PCDH15: variants seen among roughly 807,000 people sequenced by gnomAD.
The protein encoded by PCDH15 is protocadherin-15.
Under a neutral mutation model 178.5 loss-of-function variants are expected in PCDH15, and 129 were observed. That is an observed-to-expected ratio of 0.72 (90% confidence interval 0.63 to 0.84). PCDH15 has a LOEUF of 0.84. PCDH15 is among the 40% of genes least tolerant of loss of function. The probability of loss-of-function intolerance (pLI) is 0.00; values close to 1 mark genes in which losing one functional copy is unlikely to be tolerated. For synonymous variants in PCDH15, 800 were observed against 732.0 expected (o/e 1.09, Z -1.50); for missense variants, 2,230 against 2,099.9 (o/e 1.06, Z -1.21).
chr10:54,450,411 C>T (rs1016046152), intron 3 of PCDH15, among the ~76,000 whole-genome samples: 1 of 151,144 alleles, frequency 6.6e-6, no homozygotes, highest in African/African-American at 2.4e-5. Flanking sequence ...TAGTTTCTTC[C>T]TTTTTTTATT....
At chr10:54,181,050 G>A (rs1388694700) in intron 13 of PCDH15, among the ~76,000 whole-genome samples, 2 of 152,120 alleles carry the variant, frequency 1.3e-5, no homozygotes, top group Non-Finnish European at 2.9e-5. Flanking sequence ...CTTACACTTT[G>A]TAGTTCCCTG....
At chr10:53,818,733 AT>A (rs1366398735) in intron 33 of PCDH15, among the ~76,000 whole-genome samples, 10 of 152,054 alleles carry the variant, frequency 6.6e-5, no homozygotes, top group Non-Finnish European at 1.5e-4. Context: ...TCTATGTGTT[AT>A]TTTTTAAGCA....
Position 54,544,513 on chromosome 10 carries a change from G to A in PCDH15, c.92-16636C>T, listed in dbSNP as rs991072191. Among the ~76,000 whole-genome samples, 18 of 152,186 alleles carry A rather than the reference G, an allele frequency of 1.2e-4. No individual in the cohort carries two copies. The East Asian group carries it at 2.7e-3, about 23-fold the overall frequency. On this transcript the variant is annotated intron_variant, in intron 2 of 37. Coordinates refer to ENST00000644397, the MANE Select transcript of PCDH15 (RefSeq NM_001384140.1). ...AATTTTAGACAATTTCTATACAGAC[G>A]CCTGCAATTTTGAATATCTGCTGCT...
intron 3 of PCDH15, among the ~76,000 whole-genome samples, chr10:54,817,287 T>C (rs1231452211): frequency 2.0e-5 from 3 of 152,030 alleles, no homozygotes; most frequent in Admixed American, 1.3e-4. Context: ...CTGTCTTGTA[T>C]AGAAAACTTG....
At chr10:54,241,693 T>A (rs958249546) in intron 8 of PCDH15, among the ~76,000 whole-genome samples, 8 of 152,142 alleles carry the variant, frequency 5.3e-5, no homozygotes, top group Non-Finnish European at 8.8e-5. Flanking sequence ...GATAGCAGAT[T>A]TGCATTTCAT....
chr10:54,067,977 T>A (rs1330744385), intron 17 of PCDH15, among the ~76,000 whole-genome samples: 1 of 94,982 alleles, frequency 1.1e-5, no homozygotes, highest in Non-Finnish European at 2.6e-5. Flanking sequence ...TTTTTATTTT[T>A]TTTTATTTTT....
chr10:54,006,934 C>T (rs1486362266), intron 20 of PCDH15, among the ~76,000 whole-genome samples: 2 of 152,110 alleles, frequency 1.3e-5, no homozygotes, highest in African/African-American at 2.4e-5. Flanking sequence ...ATCTAGTCTC[C>T]CGTCTTCACA....
chr10:54,433,088 T>A (rs1224666087), intron 3 of PCDH15, among the ~76,000 whole-genome samples: 1 of 152,052 alleles, frequency 6.6e-6, no homozygotes, highest in Admixed American at 6.6e-5. Context: ...GGAGAGGATG[T>A]GGAGAAAAGG....
At chr10:54,831,772 T>G (rs577894697) in intron 3 of PCDH15, among the ~76,000 whole-genome samples, 1 of 152,196 alleles carries the variant, frequency 6.6e-6, no homozygotes, top group Non-Finnish European at 1.5e-5. Context: ...ATAGAGATTT[T>G]ACTACCAAAA....
chr10:54,745,333 A>G (rs1034293245), intron 1 of PCDH15, among the ~76,000 whole-genome samples: 2 of 91,610 alleles, frequency 2.2e-5, no homozygotes, highest in African/African-American at 6.6e-5. Context: ...CTATTCAAAG[A>G]AAAGATTAAA....
chr10:55,052,941 C>T (rs1841202951), intron 2 of PCDH15, among the ~76,000 whole-genome samples: 1 of 152,030 alleles, frequency 6.6e-6, no homozygotes, highest in Non-Finnish European at 1.5e-5. Context: ...CATGCAGGAG[C>T]AAAGACTGAA....
chr10:54,603,134 T>C (rs1462655808), intron 2 of PCDH15, among the ~76,000 whole-genome samples: 1 of 152,032 alleles, frequency 6.6e-6, no homozygotes, highest in Non-Finnish European at 1.5e-5. Flanking sequence ...TAGGAATTTA[T>C]GTATTACTTC....
intron 10 of PCDH15, among the ~76,000 whole-genome samples, chr10:54,213,289 T>A (rs2051648377): frequency 6.6e-6 from 1 of 152,132 alleles, no homozygotes; most frequent in South Asian, 2.1e-4. Flanking sequence ...CCATCGAAAT[T>A]AATTAGAAGA....
chr10:54,482,165 C>T (rs534127955), intron 3 of PCDH15, among the ~76,000 whole-genome samples: 6 of 151,936 alleles, frequency 3.9e-5, no homozygotes, highest in African/African-American at 1.4e-4. Flanking sequence ...ATCATTTGAA[C>T]TTCTAATACC....
At chr10:53,912,931 G>A (rs2083223464) in intron 25 of PCDH15, among the ~76,000 whole-genome samples, 1 of 152,012 alleles carries the variant, frequency 6.6e-6, no homozygotes, top group Non-Finnish European at 1.5e-5. Context: ...CACAGAACTG[G>A]GAAAAACTAC....
At position 54,228,506 on chromosome 10, in the gene PCDH15, T is replaced by TTGTTA. The variant is rs145396651; in HGVS notation, c.985+8312_985+8316dup. Among the ~76,000 whole-genome samples the TTGTTA allele has an allele frequency of 7.2e-5, 11 of 152,248 alleles. No individual in the cohort carries two copies. The East Asian group carries it at 2.1e-3, about 29-fold the overall frequency. ...TGGTGACACAGCCAAGCGATATCAT[T>TTGTTA]TGTTATGAATGCTAAGAGCATCTAC... is the stretch of plus-strand genomic sequence containing the variant. On this transcript the variant is annotated intron_variant, in intron 9 of 37. Transcript: ENST00000644397.
At chr10:54,404,333 A>G (rs1267480948) in intron 3 of PCDH15, among the ~76,000 whole-genome samples, 2 of 152,192 alleles carry the variant, frequency 1.3e-5, no homozygotes, top group African/African-American at 4.8e-5. Context: ...ACATAGACCA[A>G]TGGAATAGAA....
At chr10:55,487,040 T>C (rs1328010775) in intron 2 of PCDH15, among the ~76,000 whole-genome samples, 1 of 151,660 alleles carries the variant, frequency 6.6e-6, no homozygotes, top group Non-Finnish European at 1.5e-5. Context: ...TTTAAATCTA[T>C]ACAAATTATA....
At chr10:55,163,349 A>G (rs763523710) in intron 2 of PCDH15, among the ~76,000 whole-genome samples, 15 of 152,196 alleles carry the variant, frequency 9.9e-5, no homozygotes, top group Non-Finnish European at 4.4e-5. Flanking sequence ...TGTATACTCC[A>G]AAGAGACTAC....
Sources: allele counts gnomAD v4.1 joint callset (sites outside exome capture counted in the v4.1 genomes callset), GRCh38; gene constraint gnomAD v4.1.1; transcripts MANE v1.5; gene names NCBI Gene and HGNC (gene_info 2026-07-23, HGNC 2026-07-21).